CAST: variants seen among roughly 807,000 people sequenced by gnomAD.
CAST encodes MIR583 host.
A neutral mutation model predicts 119.6 loss-of-function variants in CAST; 76 were observed. The observed-to-expected ratio is 0.64, with a 90% CI of 0.53 to 0.77. CAST has a LOEUF of 0.77. Ranked by LOEUF, CAST falls within the 30% of genes least tolerant of loss-of-function variation. CAST has a pLI of 0.00. For missense variants in CAST, 953 were observed against 946.5 expected (o/e 1.01, Z -0.09); for synonymous variants, 319 against 331.6 (o/e 0.96, Z 0.41).
chr5:96,263,403 A>G, the CAST span, among the ~76,000 whole-genome samples: 2 of 152,184 alleles, frequency 1.3e-5, no homozygotes, highest in East Asian at 3.8e-4. Context: ...CAAGGACCCC[A>G]CTGAGAGTGA....
chr5:96,059,939 A>G, the CAST span, among the ~76,000 whole-genome samples: 1 of 152,080 alleles, frequency 6.6e-6, no homozygotes, highest in Non-Finnish European at 1.5e-5. Context: ...CCTTGTCCCT[A>G]TTTCATTTAT....
chr5:96,453,343 T>C, the CAST span, among the ~76,000 whole-genome samples: 1 of 152,236 alleles, frequency 6.6e-6, no homozygotes, highest in Non-Finnish European at 1.5e-5. Context: ...AGATTTACAG[T>C]TGGTCTACAA....
At position 96,727,957 on chromosome 5, in the gene CAST, G is replaced by A. The variant is rs533735941; in HGVS notation, c.378+427G>A. Among the ~76,000 whole-genome samples, 3 of 152,262 alleles carry A rather than the reference G, an allele frequency of 2.0e-5. No homozygotes were observed. The East Asian group carries it at 5.8e-4, about 29-fold the overall frequency. On this transcript the variant is annotated intron_variant, in intron 6 of 31. Coordinates refer to ENST00000675179, the MANE Select transcript of CAST (RefSeq NM_001750.7). ...TTAGGGATGAGAATCTTTCCTAAGA[G>A]GCTGGCTGGGTTTATCGTGACAGTC... is the stretch of plus-strand genomic sequence containing the variant.
At chr5:96,200,788 TAGG>T in the CAST span, among the ~76,000 whole-genome samples, 1 of 152,108 alleles carries the variant, frequency 6.6e-6, no homozygotes, top group African/African-American at 2.4e-5. Context: ...AAGGGGTTGT[TAGG>T]AGAAGTAAAT....
intron 10 of CAST, among the ~76,000 whole-genome samples, chr5:96,737,432 GA>G (rs1446663493): frequency 1.3e-5 from 2 of 152,180 alleles, no homozygotes; most frequent in Non-Finnish European, 2.9e-5. Context: ...TAAAACTCTG[GA>G]AAAGTATTGA....
the CAST span, among the ~76,000 whole-genome samples, chr5:96,017,156 A>G: frequency 6.6e-6 from 1 of 152,048 alleles, no homozygotes; most frequent in African/African-American, 2.4e-5. Context: ...TTTAATCTGC[A>G]CCACAGTTCT....
At chr5:96,199,921 A>G in the CAST span, among the ~76,000 whole-genome samples, 540 of 152,228 alleles carry the variant, frequency 3.5e-3, 2 homozygotes, top group African/African-American at 0.012. Flanking sequence ...CTCTTTGGTT[A>G]CTTATTAACC....
At chr5:96,560,720 G>T (rs1349990336) in intron 1 of CAST, among the ~76,000 whole-genome samples, 2 of 151,934 alleles carry the variant, frequency 1.3e-5, no homozygotes, top group Non-Finnish European at 2.9e-5. Flanking sequence ...TGGAGAGGAT[G>T]TGGAGAAATA....
At chr5:96,382,222 A>G in the CAST span, among the ~76,000 whole-genome samples, 5 of 152,198 alleles carry the variant, frequency 3.3e-5, no homozygotes, top group Non-Finnish European at 5.9e-5. Context: ...ATACCACCTA[A>G]GGGTTCTGTC....
At chr5:95,972,554 T>C in the CAST span, among the ~76,000 whole-genome samples, 2 of 152,124 alleles carry the variant, frequency 1.3e-5, no homozygotes, top group Non-Finnish European at 2.9e-5. Context: ...TTCAGATCTT[T>C]TGTCCTTTTA....
At chr5:96,100,286 T>G in the CAST span, among the ~76,000 whole-genome samples, 5 of 152,202 alleles carry the variant, frequency 3.3e-5, no homozygotes, top group Admixed American at 2.6e-4. Flanking sequence ...TTTGGTGTAT[T>G]AGATGTGAGT....
the CAST span, among the ~76,000 whole-genome samples, chr5:96,076,303 G>C: frequency 6.6e-6 from 1 of 152,098 alleles, no homozygotes; most frequent in South Asian, 2.1e-4. Context: ...TAAACATATT[G>C]CTCTAAACAA....
the CAST span, among the ~76,000 whole-genome samples, chr5:96,511,377 C>T: frequency 2.0e-5 from 3 of 152,078 alleles, no homozygotes; most frequent in African/African-American, 7.2e-5. Context: ...CTCTTGATCT[C>T]GTGATCTACC....
At chr5:96,122,328 GC>G in the CAST span, among the ~76,000 whole-genome samples, 1 of 152,064 alleles carries the variant, frequency 6.6e-6, no homozygotes, top group Non-Finnish European at 1.5e-5. Flanking sequence ...TCTTTATAAT[GC>G]AAAGATAACT....
At chr5:96,466,239 C>T in the CAST span, among the ~76,000 whole-genome samples, 1 of 152,096 alleles carries the variant, frequency 6.6e-6, no homozygotes, top group Non-Finnish European at 1.5e-5. Flanking sequence ...CTTCTCTCCC[C>T]TCCCACCTCC....
chr5:96,050,023 G>A, the CAST span: 1 of 151,606 alleles, frequency 6.6e-6, no homozygotes, highest in South Asian at 2.1e-4. Context: ...AAGAGGAAAT[G>A]AGTAGTTAAT....
At chr5:96,638,221 C>T (rs956843218) in intron 1 of CAST, among the ~76,000 whole-genome samples, 8 of 151,462 alleles carry the variant, frequency 5.3e-5, no homozygotes, top group Non-Finnish European at 8.8e-5. Context: ...GCCTGGCCAA[C>T]ATTGTGAAAC....
At chr5:96,406,602 A>G in the CAST span, among the ~76,000 whole-genome samples, 1 of 152,212 alleles carries the variant, frequency 6.6e-6, no homozygotes, top group Non-Finnish European at 1.5e-5. Flanking sequence ...AGGAAGCCCC[A>G]GGGATCCTAG....
At chr5:96,317,843 TAA>T in the CAST span, among the ~76,000 whole-genome samples, 1 of 152,120 alleles carries the variant, frequency 6.6e-6, no homozygotes, top group South Asian at 2.1e-4. Context: ...AAAGGTTTGG[TAA>T]CATCTGCACC....
Sources: allele counts gnomAD v4.1 joint callset (sites outside exome capture counted in the v4.1 genomes callset), GRCh38; gene constraint gnomAD v4.1.1; transcripts MANE v1.5; gene names NCBI Gene and HGNC (gene_info 2026-07-23, HGNC 2026-07-21).